NRG1: variants seen among roughly 807,000 people sequenced by gnomAD.
The protein encoded by NRG1 is pro-neuregulin-1, membrane-bound isoform.
A neutral mutation model predicts 63.8 loss-of-function variants in NRG1; 18 were observed. That is an observed-to-expected ratio of 0.28 (90% CI 0.19 to 0.42). The LOEUF (loss-of-function observed/expected upper bound fraction) is 0.42. NRG1 is among the 10% of genes least tolerant of loss of function. NRG1 has a pLI of 1.00. For missense variants in NRG1, 762 were observed against 814.7 expected (o/e 0.94, Z 0.79); for synonymous variants, 302 against 301.3 (o/e 1.00, Z -0.02).
At chr8:31,792,965 T>C (rs1820858752) in intron 1 of NRG1, among the ~76,000 whole-genome samples, 2 of 152,224 alleles carry the variant, frequency 1.3e-5, no homozygotes, top group African/African-American at 4.8e-5. Flanking sequence ...ACCCATGTAA[T>C]TCACAGGCAT....
intron 5 of NRG1, among the ~76,000 whole-genome samples, chr8:32,690,054 A>G (rs1811167471): frequency 6.6e-6 from 1 of 152,126 alleles, no homozygotes; most frequent in African/African-American, 2.4e-5. Flanking sequence ...CCTTCCTGAT[A>G]CACTTTGATA....
At chr8:32,298,766 C>A (rs866974663) in intron 1 of NRG1, among the ~76,000 whole-genome samples, 1 of 149,210 alleles carries the variant, frequency 6.7e-6, no homozygotes, top group Non-Finnish European at 1.5e-5. Context: ...CGGGGGCTCA[C>A]GCCTGTAATC....
rs754495317 is a variant in NRG1 at position 32,344,381 on chromosome 8, T to TTTCTTTCTTTCTTC, written c.38-251447_38-251446insTTCTTTCTTTCTTC. Among the ~76,000 whole-genome samples the TTTCTTTCTTTCTTC allele has an allele frequency of 2.0e-3, 183 of 90,174 alleles. 13 individuals carry two copies. Among genetic ancestry groups the TTTCTTTCTTTCTTC allele is most frequent in the Non-Finnish European group, 2.7e-3 (112 of 41,804 alleles). 59.2% of individuals were successfully genotyped at this position (90,174 alleles called of 152,430 possible). A position where few individuals can be genotyped will look rare whatever the true frequency, so the allele number is the denominator to read the frequency against. On this transcript the variant is annotated intron_variant, in intron 1 of 10. Coordinates refer to the NRG1 transcript ENST00000519301. ...TTCTTTCTTTCTTTCTTTCTTTCTT[T>TTTCTTTCTTTCTTC]CTCTTTCTTTCTTTTTTGTGCATGC...
At chr8:32,637,069 A>G (rs1315251318) in intron 5 of NRG1, among the ~76,000 whole-genome samples, 2 of 152,184 alleles carry the variant, frequency 1.3e-5, no homozygotes, top group Non-Finnish European at 2.9e-5. Context: ...CAGAAACACC[A>G]TGAAAAATTT....
chr8:32,365,440 C>T (rs1017011318), intron 1 of NRG1, among the ~76,000 whole-genome samples: 4 of 151,762 alleles, frequency 2.6e-5, no homozygotes, highest in Non-Finnish European at 5.9e-5. Flanking sequence ...TATGGCCTCT[C>T]TCACTTCAAT....
chr8:32,544,472 ATTAT>A (rs10574242), upstream of NRG1, among the ~76,000 whole-genome samples: 56,391 of 139,370 alleles, frequency 0.4, 11,483 homozygotes, highest in Middle Eastern at 0.47. Flanking sequence ...TGCCTAGCTT[ATTAT>A]TTATTTATTT....
Position 32,764,291 on chromosome 8 carries a change from C to T in NRG1, c.1803C>T (p.Ala601=), listed in dbSNP as rs754896490. ...CAGCCAGTCTTGAGGCAACACCTGC[C>T]TTCCGCCTGGCTGACAGCAGGACTA... Residue 601 remains alanine, a synonymous_variant, in exon 12 of 12, where the codon GCC becomes GCT. Coordinates refer to ENST00000356819, the Ensembl canonical transcript of NRG1. 34 of 1,613,972 alleles carry T rather than the reference C, an allele frequency of 2.1e-5. 1 individual carries two copies. The Admixed American group carries it at 5.3e-4, about 25-fold the overall frequency.
At position 31,880,041 on chromosome 8, in the gene NRG1, G is replaced by A. The variant is rs147090055; in HGVS notation, c.37+240610G>A. 2.5e-4 allele frequency among the ~76,000 whole-genome samples: 38 copies of A among 152,164 alleles called. 1 individual carries two copies. The highest frequency in any genetic ancestry group is 2.5e-4 in the Non-Finnish European group (17 of 68,008). ...ACATTGGCATGTATGTGTCTTTTCC[G>A]GTGAGGTTGCAGAGAAAAGAGAACC... On this transcript the variant is annotated intron_variant, in intron 1 of 10. Coordinates refer to the NRG1 transcript ENST00000519301.
intron 1 of NRG1, among the ~76,000 whole-genome samples, chr8:31,696,581 T>C (rs1464605729): frequency 6.6e-6 from 1 of 152,230 alleles, no homozygotes; most frequent in Non-Finnish European, 1.5e-5. Flanking sequence ...ACCTGATGTG[T>C]CTTGGGTGTA....
At chr8:32,360,158 A>G (rs945556122) in intron 1 of NRG1, among the ~76,000 whole-genome samples, 4 of 152,204 alleles carry the variant, frequency 2.6e-5, no homozygotes, top group African/African-American at 9.6e-5. Context: ...AGGAAATTAA[A>G]TGATCAGAAT....
chr8:31,737,235 T>A (rs1279273864), intron 1 of NRG1, among the ~76,000 whole-genome samples: 2 of 152,132 alleles, frequency 1.3e-5, no homozygotes, highest in African/African-American at 4.8e-5. Flanking sequence ...CAATTCATCC[T>A]TCCAAACTCA....
chr8:32,600,950 G>C (rs1256431121), intron 2 of NRG1, among the ~76,000 whole-genome samples: 1 of 152,006 alleles, frequency 6.6e-6, no homozygotes, highest in African/African-American at 2.4e-5. Context: ...GACAGAGTAT[G>C]GTATCTTACA....
intron 1 of NRG1, among the ~76,000 whole-genome samples, chr8:31,928,028 T>A (rs368784971): frequency 2.0e-5 from 3 of 150,008 alleles, no homozygotes; most frequent in Non-Finnish European, 4.4e-5. Context: ...TATCTCAGTA[T>A]GTTTTTATTA....
intron 1 of NRG1, among the ~76,000 whole-genome samples, chr8:32,140,846 G>A (rs1045513524): frequency 1.3e-5 from 2 of 152,000 alleles, no homozygotes; most frequent in African/African-American, 4.8e-5. Flanking sequence ...CTTCTCCAGA[G>A]CATTTCATTT....
At chr8:32,574,616 T>C (rs191964647) in intron 1 of NRG1, among the ~76,000 whole-genome samples, 1 of 152,252 alleles carries the variant, frequency 6.6e-6, no homozygotes, top group East Asian at 1.9e-4. Context: ...TTCTCTTGCT[T>C]GCTCGCTCCT....
intron 1 of NRG1, among the ~76,000 whole-genome samples, chr8:31,902,096 G>T (rs1832134024): frequency 6.6e-6 from 1 of 152,148 alleles, no homozygotes. Context: ...AAAAGTGGGT[G>T]AGATGGTGAG....
chr8:32,484,098 G>A (rs969822752), intron 1 of NRG1, among the ~76,000 whole-genome samples: 3 of 102,998 alleles, frequency 2.9e-5, no homozygotes, highest in East Asian at 3.7e-4. Context: ...GCAAGACTCC[G>A]TATCAAAAAA....
chr8:31,917,242 G>A (rs1260192165), intron 1 of NRG1, among the ~76,000 whole-genome samples: 1 of 122,534 alleles, frequency 8.2e-6, no homozygotes, highest in Non-Finnish European at 1.7e-5. Context: ...GGCTTTTGTT[G>A]ACATTGCTTT....
chr8:32,472,858 G>T (rs550311711), intron 1 of NRG1, among the ~76,000 whole-genome samples: 5 of 152,338 alleles, frequency 3.3e-5, no homozygotes, highest in African/African-American at 1.2e-4. Flanking sequence ...ATCTGGTGAG[G>T]ATGGAAAGTT....
Sources: allele counts gnomAD v4.1 joint callset (sites outside exome capture counted in the v4.1 genomes callset), GRCh38; gene constraint gnomAD v4.1.1; transcripts MANE v1.5; gene names NCBI Gene and HGNC (gene_info 2026-07-23, HGNC 2026-07-21).